IL1RAPL1: variants seen among roughly 807,000 people sequenced by gnomAD.
IL1RAPL1 encodes interleukin-1 receptor accessory protein-like 1.
In IL1RAPL1, 3 loss-of-function variants were observed where a neutral mutation model predicts 48.4. The observed-to-expected ratio is 0.06, with a 90% confidence interval of 0.03 to 0.16. The LOEUF (loss-of-function observed/expected upper bound fraction) is 0.16. Among genes scored for constraint, IL1RAPL1 ranks in the 10% least tolerant of loss-of-function variants. The pLI is 1.00. For synonymous variants in IL1RAPL1, 185 were observed against 187.7 expected (o/e 0.99, Z 0.12); for missense variants, 349 against 530.6 (o/e 0.66, Z 3.36).
chrX:29,095,180 T>G (rs1021845062), intron 2 of IL1RAPL1, among the ~76,000 whole-genome samples: 4 of 111,611 alleles, frequency 3.6e-5, no homozygotes, highest in Non-Finnish European at 7.5e-5. Context: ...TTCTTTGATT[T>G]CTTTTTCTCA....
At chrX:29,433,837 T>C (rs1330327009) in intron 5 of IL1RAPL1, among the ~76,000 whole-genome samples, 1 of 110,720 alleles carries the variant, frequency 9.0e-6, no homozygotes, top group Non-Finnish European at 1.9e-5. Context: ...TTTTTTTACT[T>C]TTTTTCTTTG....
At chrX:28,998,392 C>T (rs900404558) in intron 2 of IL1RAPL1, among the ~76,000 whole-genome samples, 31 of 111,622 alleles carry the variant, frequency 2.8e-4, no homozygotes, top group African/African-American at 1.0e-3. Flanking sequence ...AATTCTCCTT[C>T]TTCAATATGT....
At chrX:29,661,751 C>T (rs1925853197) in intron 5 of IL1RAPL1, among the ~76,000 whole-genome samples, 1 of 112,038 alleles carries the variant, frequency 8.9e-6, no homozygotes, top group Non-Finnish European at 1.9e-5. Flanking sequence ...TGCTCAAGCT[C>T]ATAACTAGGG....
intron 3 of IL1RAPL1, among the ~76,000 whole-genome samples, chrX:29,291,469 A>G (rs1221391213): frequency 9.0e-6 from 1 of 111,063 alleles, no homozygotes; most frequent in Non-Finnish European, 1.9e-5. Context: ...GGTTTGTTAC[A>G]TAGGTATACA....
intron 5 of IL1RAPL1, among the ~76,000 whole-genome samples, chrX:29,486,108 C>T (rs757496478): frequency 1.3e-4 from 14 of 111,011 alleles, no homozygotes; most frequent in East Asian, 8.5e-4. Flanking sequence ...TACTCTTTCT[C>T]GGGATTGACA....
rs375399696 is a variant in IL1RAPL1, at chrX:29,641,425, C to A, written c.704-27005C>A. On this transcript the variant is annotated intron_variant, in intron 5 of 10. Transcript: ENST00000378993. ...CTTGATCATCTCTATGACTGGAATG[C>A]TCTTCTCCCAGGTGTTTACATGGCC... Among the ~76,000 whole-genome samples the A allele has an allele frequency of 2.4e-4, 27 of 112,472 alleles. No individual in the cohort carries two copies. In the South Asian group the frequency reaches 9.9e-3, roughly 41 times the overall value.
chrX:29,398,139 A>C (rs763153926), intron 4 of IL1RAPL1, among the ~76,000 whole-genome samples: 1 of 112,376 alleles, frequency 8.9e-6, no homozygotes, highest in Non-Finnish European at 1.9e-5. Flanking sequence ...TAAAATAATC[A>C]ATCTGGCTAA....
chrX:28,621,307 T>C lies in IL1RAPL1; in HGVS notation c.-25+33260T>C, dbSNP rs148705072. Among the ~76,000 whole-genome samples the C allele has an allele frequency of 4.6e-3, 520 of 112,137 alleles. 6 individuals are homozygous for C. Among genetic ancestry groups the C allele is most frequent in the African/African-American group, 0.016 (499 of 30,905 alleles). On this transcript the variant is annotated intron_variant, in intron 1 of 10. Coordinates refer to ENST00000378993, the MANE Select transcript of IL1RAPL1 (RefSeq NM_014271.4). ...GATAATTGCTGAATGAATGATTGAA[T>C]ATTTGACTTTTCATGTCTGTTACTT...
Position 29,631,896 on chromosome X carries a change from G to T in IL1RAPL1, c.704-36534G>T, listed in dbSNP as rs764347056. Among the ~76,000 whole-genome samples, 44 of 111,707 alleles carry T rather than the reference G, an allele frequency of 3.9e-4. No homozygotes were observed. In the South Asian group the frequency reaches 0.015, roughly 38 times the overall value. ...AGTAATATTCAGTACAAAACTAATG[G>T]ATACAAAAAGGAGAAGATTTAGTAT... On this transcript the variant is annotated intron_variant, in intron 5 of 10. Transcript: ENST00000378993.
At chrX:29,668,063 C>G (rs1213146009) in intron 5 of IL1RAPL1, among the ~76,000 whole-genome samples, 1 of 111,965 alleles carries the variant, frequency 8.9e-6, no homozygotes, top group Non-Finnish European at 1.9e-5. Context: ...CCACATATAT[C>G]ATGTGTAGCT....
intron 5 of IL1RAPL1, among the ~76,000 whole-genome samples, chrX:29,407,978 G>A (rs920146516): frequency 8.9e-6 from 1 of 111,887 alleles, no homozygotes; most frequent in South Asian, 3.7e-4. Context: ...ATTCAACTTT[G>A]TATTGATATA....
intron 5 of IL1RAPL1, among the ~76,000 whole-genome samples, chrX:29,458,724 TG>T (rs1283725649): frequency 1.2e-4 from 8 of 68,101 alleles, no homozygotes. Context: ...AGAACGTTTT[TG>T]TTTTTTTTTT....
At chrX:29,551,736 G>C (rs1009091502) in intron 5 of IL1RAPL1, among the ~76,000 whole-genome samples, 1 of 110,625 alleles carries the variant, frequency 9.0e-6, no homozygotes, top group Non-Finnish European at 1.9e-5. Flanking sequence ...ATGGCACTTT[G>C]ACATGTTGGA....
At chrX:28,605,700 G>A (rs984584630) in intron 1 of IL1RAPL1, among the ~76,000 whole-genome samples, 1 of 111,703 alleles carries the variant, frequency 9.0e-6, no homozygotes, top group African/African-American at 3.2e-5. Context: ...GATTTTACTT[G>A]GAGTAAAAGT....
chrX:29,032,893 A>G (rs1926652842), intron 2 of IL1RAPL1, among the ~76,000 whole-genome samples: 1 of 112,526 alleles, frequency 8.9e-6, no homozygotes, highest in African/African-American at 3.2e-5. Flanking sequence ...TGAAGCCCCT[A>G]ATACCAATTT....
chrX:28,793,260 C>G (rs1472087249), intron 2 of IL1RAPL1, among the ~76,000 whole-genome samples: 4 of 110,256 alleles, frequency 3.6e-5, no homozygotes, highest in Non-Finnish European at 7.6e-5. Flanking sequence ...ACATGTAAAG[C>G]AAACGCTTGC....
chrX:29,818,992 A>G (rs1018664379), intron 6 of IL1RAPL1, among the ~76,000 whole-genome samples: 12 of 111,683 alleles, frequency 1.1e-4, no homozygotes, highest in African/African-American at 3.9e-4. Context: ...TACATCCACA[A>G]CTCATATCTG....
chrX:29,154,818 A>G (rs1193905045), intron 2 of IL1RAPL1, among the ~76,000 whole-genome samples: 2 of 111,510 alleles, frequency 1.8e-5, no homozygotes, highest in African/African-American at 6.5e-5. Flanking sequence ...TTGTGTTAAT[A>G]AAAGTAAAAT....
At position 29,908,375 on chromosome X, in the gene IL1RAPL1, A is replaced by AATAT. The variant is rs71761547; in HGVS notation, c.779-9071_779-9068dup. Among the ~76,000 whole-genome samples the AATAT allele has an allele frequency of 1.2e-3, 119 of 102,230 alleles. 1 individual carries two copies. In the East Asian group the frequency reaches 0.02, roughly 17 times the overall value. 88.8% of individuals were successfully genotyped at this position (102,230 alleles called of 115,157 possible). A position where few individuals can be genotyped will look rare whatever the true frequency, so the allele number is the denominator to read the frequency against. On this transcript the variant is annotated intron_variant, in intron 6 of 10. Transcript: ENST00000378993. ...TAACATAGCAAGACCCCATTTCAAA[A>AATAT]ATATATATATATATATATATAAGCA... is the stretch of plus-strand genomic sequence containing the variant.
Sources: gnomAD v4.1 joint callset for allele counts (sites outside exome capture counted in the v4.1 genomes callset) on GRCh38, gnomAD v4.1.1 for gene constraint, MANE v1.5 for transcripts, NCBI Gene and HGNC (gene_info 2026-07-23, HGNC 2026-07-21) for gene names.